HEATR1: variants seen among roughly 807,000 people sequenced by gnomAD.
The protein encoded by HEATR1 is HEAT repeat-containing protein 1.
A neutral mutation model predicts 248.2 loss-of-function variants in HEATR1; 77 were observed. That is an observed-to-expected ratio of 0.31 (90% CI 0.26 to 0.37). HEATR1 has a LOEUF of 0.37. HEATR1 is among the 10% of genes least tolerant of loss of function. HEATR1 has a pLI of 1.00. For missense variants in HEATR1, 2,420 were observed against 2,504.9 expected, an observed-to-expected ratio of 0.97 and a Z score of 0.72; for synonymous variants, 897 against 923.1, an observed-to-expected ratio of 0.97 and a Z score of 0.51.
In HEATR1 at chr1:236,583,101, C is replaced by T; in HGVS notation, c.2337G>A (p.Gln779=). Residue 779 remains glutamine, a synonymous_variant, in exon 18 of 45, where the codon CAG becomes CAA. Coordinates refer to ENST00000366582, the MANE Select transcript of HEATR1 (RefSeq NM_018072.6). ...AHYVEELNST[Q]RVAVEDSVFL... ...AAACCGAGTCCTCCACGGCCACCCTCTGAGTGCTGTTGAGCTCTTCTACAT... is the reference window on the plus strand; with the variant it reads ...AAACCGAGTCCTCCACGGCCACCCTTTGAGTGCTGTTGAGCTCTTCTACAT... 1 of 1,614,202 alleles carries T rather than the reference C, an allele frequency of 6.2e-7. No homozygotes were observed. Among genetic ancestry groups the T allele is most frequent in the Non-Finnish European group, 8.5e-7 (1 of 1,180,006 alleles).
At position 236,559,073 on chromosome 1, in the gene HEATR1, G is replaced by T. The variant is rs532309802; in HGVS notation, c.4833C>A (p.Pro1611=). The T allele has an allele frequency of 6.2e-7, 1 of 1,612,764 alleles. No individual in the cohort carries two copies. Among genetic ancestry groups the T allele is most frequent in the Non-Finnish European group, 8.5e-7 (1 of 1,179,676 alleles). The part of the protein sequence containing the change: ...IPVIRGLVGN[P]LPSVRRKALD... ...GCGCTTTGCGGCGAACAGATGGCAG[G>T]GGATTGCCCACCAGCCCTCTGATCA... Residue 1611 remains proline (P), a synonymous_variant, in exon 35 of 45, where the codon CCC becomes CCA. Transcript: ENST00000366582.
chr1:236,553,743 G>A lies in HEATR1; in HGVS notation c.6079-4C>T, dbSNP rs756079469. The A allele has an allele frequency of 1.1e-5, 17 of 1,609,784 alleles. No homozygotes were observed. Among genetic ancestry groups the A allele is most frequent in the Non-Finnish European group, 1.4e-5 (17 of 1,177,972 alleles). Reference sequence around the variant, plus strand: ...CTCCCCCAAGCCTGTTTTCCAGCTAGGAAGAGTAAGACAAAGACTTTGAAC... The same window carrying A: ...CTCCCCCAAGCCTGTTTTCCAGCTAAGAAGAGTAAGACAAAGACTTTGAAC... On this transcript the variant is annotated splice_polypyrimidine_tract_variant and splice_region_variant and intron_variant, in intron 42 of 44. Coordinates refer to ENST00000366582, the MANE Select transcript of HEATR1 (RefSeq NM_018072.6).
In HEATR1 at chr1:236,558,461, T is replaced by C. The variant is rs142913028; in HGVS notation, c.4980A>G (p.Glu1660=). The C allele has an allele frequency of 1.0e-3, 1,674 of 1,614,236 alleles. 2 individuals carry two copies. Among genetic ancestry groups the C allele is most frequent in the Non-Finnish European group, 1.3e-3 (1,510 of 1,180,036 alleles). ...AIVQRKKKEG[E]EEQAINRQTA... ...TCTGTCTGTTGATTGCTTGTTCTTC[T>C]TCCCCTTCCTTTTTCTTACGCTGCA... The change falls in exon 36 of 45, where the codon GAA becomes GAG. Residue 1660 remains glutamate (E), a synonymous_variant. Transcript: ENST00000366582.
intron 28 of HEATR1, 54 bp downstream of exon 28, chr1:236,571,297 G>C: frequency 1.0e-5 from 16 of 1,543,940 alleles, no homozygotes; most frequent in Non-Finnish European, 1.4e-5. Context: ...GTGCATTTCT[G>C]TGGAAGAAAA....
In HEATR1 at chr1:236,595,598, A is replaced by G. The variant is rs751936607; in HGVS notation, c.1032T>C (p.Ser344=). The change falls in exon 8 of 45, where the codon AGT becomes AGC. Residue 344 remains serine, a synonymous_variant. Coordinates refer to ENST00000366582, the MANE Select transcript of HEATR1 (RefSeq NM_018072.6). ...GGGGAAGCATGTAATGCAGAAGAGG[A>G]CTGACATCGTAAGTTTCAGAAATCC... ...LHGISETYDV[S]PLLHYMLPHL... 10 of 1,608,180 alleles carry G rather than the reference A, an allele frequency of 6.2e-6. No individual in the cohort carries two copies. Among genetic ancestry groups the G allele is most frequent in the Middle Eastern group, 1.7e-4 (1 of 6,054 alleles).
In HEATR1 at chr1:236,559,788, C is replaced by T; in HGVS notation, c.4696G>A (p.Glu1566Lys). ...ACGGTGAGTTTGTCTGCGTTCCTTT[C>T]CATGGACTGTGCAACTGCACTGATA... is the stretch of plus-strand genomic sequence containing the variant. Reference protein sequence around the residue: ...GYISAVAQSMERNADKLTVKF... With the variant: ...GYISAVAQSMKRNADKLTVKF... Residue 1566 changes from glutamate (E) to lysine (K), a missense_variant, in exon 34 of 45, where the codon GAA becomes AAA. Transcript: ENST00000366582. The T allele has an allele frequency of 6.2e-7, 1 of 1,614,106 alleles. No individual in the cohort carries two copies. Among genetic ancestry groups the T allele is most frequent in the Non-Finnish European group, 8.5e-7 (1 of 1,179,986 alleles).
At chr1:236,596,776 G>C (rs1168941211) in intron 6 of HEATR1, 60 bp downstream of exon 6, 1 of 1,477,072 alleles carries the variant, frequency 6.8e-7, no homozygotes, top group Non-Finnish European at 9.1e-7. Context: ...AAAAACTTTC[G>C]AAAGCAAGAA....
chr1:236,554,810 A>C, intron 41 of HEATR1, 58 bp from the exon 42 acceptor site: 1 of 1,397,582 alleles, frequency 7.2e-7, no homozygotes, highest in Non-Finnish European at 9.9e-7. Flanking sequence ...TTTAATCTCC[A>C]ATGTTTACAT....
At chr1:236,592,670 G>T in intron 9 of HEATR1, 37 bp from the exon 10 acceptor site, 1 of 818,848 alleles carries the variant, frequency 1.2e-6, no homozygotes, top group Non-Finnish European at 2.0e-6. Flanking sequence ...GCATACATAA[G>T]AGTTACTATT....
chr1:236,568,725 C>T (rs906300388), intron 29 of HEATR1, among the ~76,000 whole-genome samples: 2 of 152,078 alleles, frequency 1.3e-5, no homozygotes, highest in African/African-American at 4.8e-5. Flanking sequence ...AAGACACTTA[C>T]AGTTACACAC....
At chr1:236,575,710 C>T (rs556281489) in intron 22 of HEATR1, among the ~76,000 whole-genome samples, 2 of 152,208 alleles carry the variant, frequency 1.3e-5, no homozygotes, top group Non-Finnish European at 2.9e-5. Flanking sequence ...ATGAAAGAAC[C>T]TTTTTTATGT....
At chr1:236,599,348 T>C in intron 4 of HEATR1, 135 bp downstream of exon 4, 2 of 605,750 alleles carry the variant, frequency 3.3e-6, no homozygotes, top group South Asian at 6.3e-5. Context: ...ATAGTTTCAA[T>C]TGGAAGTCAG....
intron 3 of HEATR1, chr1:236,602,885 T>C (rs1382526822): frequency 1.0e-5 from 3 of 299,842 alleles, no homozygotes; most frequent in East Asian, 6.3e-5. Flanking sequence ...GATTTCAATA[T>C]TGCACTCCAG....
intron 31 of HEATR1, 96 bp from the exon 32 acceptor site, chr1:236,564,757 C>A: frequency 8.7e-7 from 1 of 1,150,414 alleles, no homozygotes; most frequent in Non-Finnish European, 1.2e-6. Flanking sequence ...GGACAATTAA[C>A]GGGATAACAT....
intron 4 of HEATR1, among the ~76,000 whole-genome samples, chr1:236,598,481 T>C (rs1277170208): frequency 1.3e-5 from 2 of 152,006 alleles, no homozygotes; most frequent in Non-Finnish European, 2.9e-5. Context: ...AGTAGGTGAG[T>C]GGAGTTTGGC....
chr1:236,570,384 C>A (rs187130150), intron 28 of HEATR1, among the ~76,000 whole-genome samples: 1 of 152,026 alleles, frequency 6.6e-6, no homozygotes, highest in Admixed American at 6.6e-5. Flanking sequence ...TATGACATGT[C>A]CAGCATAGGC....
In HEATR1 at chr1:236,583,000, G is replaced by C; in HGVS notation, c.2425+13C>G. ...GAGTATCACATTTAAAAGATTCACA[G>C]CTTGTATCTTACCTTTAGGAAAAGA... is the stretch of plus-strand genomic sequence containing the variant. On this transcript the variant is annotated intron_variant, in intron 18 of 44. Transcript: ENST00000366582. 6.2e-7 allele frequency: 1 copy of C among 1,611,892 alleles called. No individual in the cohort carries two copies. The highest frequency in any genetic ancestry group is 8.5e-7 in the Non-Finnish European group (1 of 1,178,360).
At chr1:236,555,746 CG>C in intron 39 of HEATR1, 58 bp downstream of exon 39, 1 of 1,609,754 alleles carries the variant, frequency 6.2e-7, no homozygotes, top group Non-Finnish European at 8.5e-7. Flanking sequence ...AGATTGTTCT[CG>C]GACTCTTCAA....
At chr1:236,587,850 A>T (rs1446449480) in intron 13 of HEATR1, 98 bp downstream of exon 13, 1 of 820,076 alleles carries the variant, frequency 1.2e-6, no homozygotes, top group African/African-American at 1.8e-5. Context: ...ATGGAAAAAT[A>T]ATTTCCAAAA....
Sources: gnomAD v4.1 joint callset for allele counts (sites outside exome capture counted in the v4.1 genomes callset) on GRCh38, gnomAD v4.1.1 for gene constraint, MANE v1.5 for transcripts, NCBI Gene and HGNC (gene_info 2026-07-23, HGNC 2026-07-21) for gene names.